Variants in IFT88 observed in about 807,000 individuals in gnomAD.
IFT88 encodes intraflagellar transport 88, also known as intraflagellar transport protein 88 homolog.
In IFT88, 74 loss-of-function variants were observed where a neutral mutation model predicts 119.5. The observed-to-expected ratio is 0.62, with a 90% confidence interval of 0.51 to 0.75. The LOEUF is 0.75. Among genes scored for constraint, IFT88 ranks in the 30% least tolerant of loss-of-function variants. IFT88 has a pLI of 0.00. For synonymous variants in IFT88, 279 were observed against 316.7 expected (o/e 0.88, Z 1.26); for missense variants, 961 against 977.7 (o/e 0.98, Z 0.23).
Position 20,601,920 on chromosome 13 carries a change from A to G in IFT88, c.1028A>G (p.Tyr343Cys). 1.3e-6 allele frequency: 2 copies of G among 1,555,534 alleles called. No individual in the cohort carries two copies. The highest frequency in any genetic ancestry group is 1.8e-6 in the Non-Finnish European group (2 of 1,127,004). The change falls in exon 12 of 26, where the codon TAT becomes TGT. Residue 343 changes from tyrosine to cysteine, a missense_variant. By Grantham distance (194) the Tyr-to-Cys change is radical (BLOSUM62 -2). Coordinates refer to ENST00000351808, the MANE Select transcript of IFT88 (RefSeq NM_006531.5). Reference sequence around the variant, plus strand: ...CCATTAGAAATTGATGAAGATAAATATATTTCACCAAGTGTGAGTATGAAA... The same window carrying G: ...CCATTAGAAATTGATGAAGATAAATGTATTTCACCAAGTGTGAGTATGAAA... The part of the protein sequence containing the change: ...TVPLEIDEDK[Y>C]ISPSDDPHTN...
At chr13:20,622,509 A>G (rs902129564) in intron 14 of IFT88, among the ~76,000 whole-genome samples, 4 of 152,172 alleles carry the variant, frequency 2.6e-5, no homozygotes, top group African/African-American at 9.7e-5. Context: ...CAGTGTTTCA[A>G]TTTTGGCCTT....
intron 11 of IFT88, 83 bp from the exon 12 acceptor site, chr13:20,601,622 A>G: frequency 1.1e-6 from 1 of 891,904 alleles, no homozygotes; most frequent in Non-Finnish European, 1.7e-6. Context: ...GGGAGACGAA[A>G]AAAGAAAACT....
rs1410589533 is a variant in IFT88, at chr13:20,653,897, G to C, written c.1971G>C (p.Gln657His). 5.1e-6 allele frequency: 8 copies of C among 1,583,784 alleles called. No individual in the cohort carries two copies. The highest frequency in any genetic ancestry group is 6.0e-6 in the Non-Finnish European group (7 of 1,164,216). The change falls in exon 21 of 26, where the codon CAG (glutamine) becomes CAC (histidine). Residue 657 changes from glutamine to histidine, a missense_variant. Physicochemically the swap from Gln to His is conservative, Grantham distance 24. Transcript: ENST00000351808. Reference protein sequence around the residue: ...SLIQPTQVKWQLMVASCFRRS... With the variant: ...SLIQPTQVKWHLMVASCFRRS... ...ATAGGCCTACACAAGTGAAATGGCA[G>C]CTGATGGTAGCTAGTTGTTTCAGAA... is the stretch of plus-strand genomic sequence containing the variant.
rs868412820 is a variant in IFT88, at chr13:20,671,099, T to C, written c.2242+60T>C. On this transcript the variant is annotated intron_variant, in intron 24 of 25. Coordinates refer to ENST00000351808, the MANE Select transcript of IFT88 (RefSeq NM_006531.5). ...TCCACATTTCTAGTATGTGGGCTTC[T>C]GGAAACATCTTGCAATAATCTAAAG... 4.0e-5 allele frequency: 53 copies of C among 1,322,108 alleles called. No homozygotes were observed. The Middle Eastern group carries it at 4.0e-3, about 101-fold the overall frequency. 81.9% of individuals were successfully genotyped at this position (1,322,108 alleles called of 1,614,324 possible).
At chr13:20,641,241 T>C in intron 17 of IFT88, 49 bp from the exon 18 acceptor site, 1 of 929,958 alleles carries the variant, frequency 1.1e-6, no homozygotes. Context: ...AATAAATTAA[T>C]ACCAATAATG....
intron 14 of IFT88, among the ~76,000 whole-genome samples, chr13:20,621,325 C>A (rs1484079545): frequency 1.3e-5 from 2 of 152,140 alleles, no homozygotes; most frequent in Non-Finnish European, 2.9e-5. Context: ...CCTCAGCCTC[C>A]CAAACTACTG....
At chr13:20,590,905 G>T in intron 4 of IFT88, 62 bp from the exon 5 acceptor site, 1 of 1,178,478 alleles carries the variant, frequency 8.5e-7, no homozygotes, top group South Asian at 1.3e-5. Context: ...CTATAACTTG[G>T]TTTAAACATT....
At chr13:20,630,025 A>C (rs188500000) in intron 15 of IFT88, among the ~76,000 whole-genome samples, 1 of 152,330 alleles carries the variant, frequency 6.6e-6, no homozygotes, top group African/African-American at 2.4e-5. Flanking sequence ...AGTTAAAAAC[A>C]TACTTTCATT....
chr13:20,616,981 C>T (rs1310882168), intron 14 of IFT88, among the ~76,000 whole-genome samples: 1 of 151,878 alleles, frequency 6.6e-6, no homozygotes, highest in Admixed American at 6.6e-5. Context: ...TCTTGTTCTG[C>T]CTCCCAGGCT....
chr13:20,687,131 G>A (rs1336775139), intron 24 of IFT88, among the ~76,000 whole-genome samples: 1 of 151,534 alleles, frequency 6.6e-6, no homozygotes, highest in Non-Finnish European at 1.5e-5. Flanking sequence ...AAAAACATTG[G>A]TCAAGTCGGG....
At chr13:20,591,795 A>G in intron 6 of IFT88, 114 bp downstream of exon 6, 1 of 673,852 alleles carries the variant, frequency 1.5e-6, no homozygotes, top group South Asian at 1.9e-5. Context: ...CATTGATTAT[A>G]AGATGCACTG....
At chr13:20,690,994 G>T (rs2058416273) in intron 25 of IFT88, 60 bp from the exon 26 acceptor site, 2 of 1,587,486 alleles carry the variant, frequency 1.3e-6, no homozygotes, top group African/African-American at 1.4e-5. Flanking sequence ...AGCCTGATTG[G>T]TTTCACATTT....
intron 24 of IFT88, among the ~76,000 whole-genome samples, chr13:20,681,082 C>T (rs971011652): frequency 5.9e-5 from 9 of 152,214 alleles, no homozygotes; most frequent in African/African-American, 2.2e-4. Flanking sequence ...GAGATTCATT[C>T]GTTCCACAAT....
chr13:20,680,876 C>T (rs2057247450), intron 24 of IFT88, among the ~76,000 whole-genome samples: 1 of 152,212 alleles, frequency 6.6e-6, no homozygotes, highest in South Asian at 2.1e-4. Context: ...TATCGAATCT[C>T]TCCACCAAAC....
At chr13:20,634,100 A>G (rs2048639414) in intron 16 of IFT88, among the ~76,000 whole-genome samples, 1 of 152,176 alleles carries the variant, frequency 6.6e-6, no homozygotes, top group African/African-American at 2.4e-5. Flanking sequence ...CATCCCCAGC[A>G]GGGGATCCCA....
In IFT88 at chr13:20,656,393, C is replaced by T. The variant is rs2052807261; in HGVS notation, c.2031C>T (p.Tyr677=). 1 of 1,517,250 alleles carries T rather than the reference C, an allele frequency of 6.6e-7. No individual in the cohort carries two copies. The highest frequency in any genetic ancestry group is 1.4e-5 in the African/African-American group (1 of 72,114). 94.0% of individuals were successfully genotyped at this position (1,517,250 alleles called of 1,614,324 possible). ...SGNYQKALDT[Y]KDTHRKFPEN... The stretch of plus-strand genomic sequence containing the variant: ...ACTACCAAAAAGCATTAGATACTTA[C>T]AAAGATACTCACAGAAAATTTCCAG... Residue 677 remains tyrosine, a synonymous_variant, in exon 22 of 26, where the codon TAC becomes TAT. Transcript: ENST00000351808.
At chr13:20,633,721 A>G (rs1359162566) in intron 16 of IFT88, among the ~76,000 whole-genome samples, 1 of 152,200 alleles carries the variant, frequency 6.6e-6, no homozygotes, top group Non-Finnish European at 1.5e-5. Flanking sequence ...GCAATTTCTT[A>G]TACTTGGTTC....
At chr13:20,674,775 G>A (rs1286411813) in intron 24 of IFT88, among the ~76,000 whole-genome samples, 18 of 132,166 alleles carry the variant, frequency 1.4e-4, no homozygotes, top group Admixed American at 3.5e-4. Flanking sequence ...GTGCAGTGGC[G>A]TGATCTCTGC....
At chr13:20,632,268 A>G (rs1446801399) in intron 16 of IFT88, 3 of 152,006 alleles carry the variant, frequency 2.0e-5, no homozygotes, top group Admixed American at 6.6e-5. Context: ...CTGTCATTCT[A>G]TGATTCTTAG....
Sources: gnomAD v4.1 joint callset for allele counts (sites outside exome capture counted in the v4.1 genomes callset) on GRCh38, gnomAD v4.1.1 for gene constraint, MANE v1.5 for transcripts, NCBI Gene and HGNC (gene_info 2026-07-23, HGNC 2026-07-21) for gene names.